The following ZNF34 variants were observed in gnomAD, a reference collection of about 807,000 sequenced individuals.
ZNF34 encodes zinc finger protein 34.
A neutral mutation model predicts 14.4 loss-of-function variants in ZNF34; 8 were observed. That is an observed-to-expected ratio of 0.55 (90% CI 0.33 to 1.00). The LOEUF (loss-of-function observed/expected upper bound fraction) is 1.00. ZNF34 is among the 50% of genes least tolerant of loss of function. The pLI is 0.03. For missense variants in ZNF34, 538 were observed against 674.2 expected, an observed-to-expected ratio of 0.80 and a Z score of 2.24; for synonymous variants, 235 against 247.9, an observed-to-expected ratio of 0.95 and a Z score of 0.49.
intron 5 of ZNF34, among the ~76,000 whole-genome samples, chr8:144,775,628 A>G (rs1338936844): frequency 2.0e-5 from 3 of 152,182 alleles, no homozygotes; most frequent in African/African-American, 4.8e-5. Flanking sequence ...GAAAAATCCA[A>G]AGGAGGAAGC....
intron 3 of ZNF34, 102 bp from the exon 4 acceptor site, chr8:144,778,266 G>A (rs1346058438): frequency 1.3e-6 from 2 of 1,502,156 alleles, no homozygotes; most frequent in Non-Finnish European, 1.8e-6. Flanking sequence ...ACAGTGGGTG[G>A]CCTGACCCAT....
intron 1 of ZNF34, among the ~76,000 whole-genome samples, chr8:144,782,995 A>G (rs1243357471): frequency 2.0e-5 from 3 of 150,162 alleles, no homozygotes; most frequent in African/African-American, 7.6e-5. Flanking sequence ...CATTTTAAAT[A>G]GATTAAAAAA....
Position 144,778,460 on chromosome 8 carries a change from C to T in ZNF34, c.12G>A (p.Leu4=), listed in dbSNP as rs765400610. The T allele has an allele frequency of 6.3e-7, 1 of 1,589,022 alleles. No homozygotes were observed. ...TCACCTGGGGTGGGGCAGACAGGAACAAGGCCGCCATTGCCTGAGGGTTGG... is the reference window on the plus strand; with the variant it reads ...TCACCTGGGGTGGGGCAGACAGGAATAAGGCCGCCATTGCCTGAGGGTTGG... MAA[L]FLSAPPQAEV... Residue 4 remains leucine, a synonymous_variant, in exon 3 of 6, where the codon TTG becomes TTA. Coordinates refer to ENST00000429371, the MANE Select transcript of ZNF34 (RefSeq NM_001286769.2).
chr8:144,783,652 A>G (rs1198320785), intron 1 of ZNF34, among the ~76,000 whole-genome samples: 1 of 152,236 alleles, frequency 6.6e-6, no homozygotes, highest in Non-Finnish European at 1.5e-5. Flanking sequence ...AAAGATATGT[A>G]TGTAATGAAC....
chr8:144,775,385 G>A (rs1344054299), intron 5 of ZNF34, among the ~76,000 whole-genome samples: 1 of 152,158 alleles, frequency 6.6e-6, no homozygotes, highest in Non-Finnish European at 1.5e-5. Context: ...GTACACACGC[G>A]CCAGAAATGT....
rs1228064780 is a variant in ZNF34 at position 144,773,277 on chromosome 8, A to G, written c.1609T>C (p.Phe537Leu). 1.2e-6 allele frequency: 2 copies of G among 1,605,942 alleles called. No homozygotes were observed. Among genetic ancestry groups the G allele is most frequent in the Admixed American group, 3.3e-5 (2 of 59,814 alleles). ...ACACCGCGCCACTGTTACATGGAGA[A>G]GTCCTCCCGGAGGTGAATCCGCTGA... is the stretch of plus-strand genomic sequence containing the variant. ...QHQRIHLRED[F>L]SM Residue 537 changes from phenylalanine to leucine, a missense_variant, in exon 6 of 6, where the codon TTC becomes CTC. Physicochemically the swap from Phe to Leu is conservative, Grantham distance 22. Transcript: ENST00000429371. This position sits in a 1 kb window ranked among gnomAD's most constrained non-coding sequence, Gnocchi z 5.4.
Position 144,773,281 on chromosome 8 carries a change from C to T in ZNF34, c.1605G>A (p.Glu535=). 6.2e-7 allele frequency: 1 copy of T among 1,607,142 alleles called. No homozygotes were observed. The highest frequency in any genetic ancestry group is 8.5e-7 in the Non-Finnish European group (1 of 1,174,778). Residue 535 remains glutamate, a synonymous_variant, in exon 6 of 6, where the codon GAG becomes GAA. Coordinates refer to ENST00000429371, the MANE Select transcript of ZNF34 (RefSeq NM_001286769.2). This position sits in a 1 kb window ranked among gnomAD's most constrained non-coding sequence, Gnocchi z 5.4. ...MCQHQRIHLR[E]DFSM ...CGCGCCACTGTTACATGGAGAAGTC[C>T]TCCCGGAGGTGAATCCGCTGATGCT...
intron 5 of ZNF34, among the ~76,000 whole-genome samples, chr8:144,775,780 T>A (rs1825476811): frequency 6.6e-6 from 1 of 152,234 alleles, no homozygotes; most frequent in Non-Finnish European, 1.5e-5. Context: ...TTCACTGAGT[T>A]ATAAACTTAG....
intron 1 of ZNF34, among the ~76,000 whole-genome samples, chr8:144,786,790 G>C (rs778730664): frequency 1.1e-4 from 17 of 152,064 alleles, no homozygotes; most frequent in Non-Finnish European, 2.2e-4. Flanking sequence ...GGCACAAGCA[G>C]AGGGAGGAGC....
rs1309376885 is a variant in ZNF34 at position 144,777,505 on chromosome 8, T to G, written c.233A>C (p.Asp78Ala). The G allele has an allele frequency of 1.9e-6, 3 of 1,553,752 alleles. No individual in the cohort carries two copies. In the Admixed American group the frequency reaches 5.9e-5, roughly 30 times the overall value. Residue 78 changes from aspartate to alanine, a missense_variant, in exon 5 of 6, where the codon GAT becomes GCT. Physicochemically the swap from Asp to Ala is moderately radical, Grantham distance 126. Around this residue, in one of 3 missense-constraint regions of ZNF34, gnomAD observed 431 missense variants for 525.7 expected, o/e 0.82. Transcript: ENST00000429371. The surrounding 1 kb of genome is among the most constrained non-coding windows in gnomAD (Gnocchi z 4.8). ...LERGDEPWVL[D>A]VQGTSGKEHL... Reference sequence around the variant, plus strand: ...CTCTTTCCCAGAGGTGCCCTGAACATCCAGGACCCAGGGCTCATCCCCTCG... The same window carrying G: ...CTCTTTCCCAGAGGTGCCCTGAACAGCCAGGACCCAGGGCTCATCCCCTCG...
At position 144,778,109 on chromosome 8, in the gene ZNF34, C is replaced by A. The variant is rs751570665; in HGVS notation, c.89G>T (p.Arg30Leu). 4 of 1,613,958 alleles carry A rather than the reference C, an allele frequency of 2.5e-6. No homozygotes were observed. In the Admixed American group the frequency reaches 6.7e-5, roughly 27 times the overall value. Residue 30 changes from arginine to leucine, a missense_variant, in exon 4 of 6, where the codon CGC becomes CTC. Coordinates refer to ENST00000429371, the MANE Select transcript of ZNF34 (RefSeq NM_001286769.2). ...AVYLSREEWG[R>L]LGPAQRGLYR... Reference sequence around the variant, plus strand: ...GAGGCCCCTCTGAGCAGGGCCCAGGCGGCCCCATTCCTCCCGGGAGAGGTA... The same window carrying A: ...GAGGCCCCTCTGAGCAGGGCCCAGGAGGCCCCATTCCTCCCGGGAGAGGTA...
intron 1 of ZNF34, among the ~76,000 whole-genome samples, chr8:144,780,752 G>A (rs754403548): frequency 8.6e-5 from 13 of 152,006 alleles, no homozygotes; most frequent in Non-Finnish European, 1.8e-4. Flanking sequence ...TCGCGCCATC[G>A]CACTCCAGCC....
chr8:144,786,846 G>A (rs1404772516), intron 1 of ZNF34, among the ~76,000 whole-genome samples: 1 of 152,004 alleles, frequency 6.6e-6, no homozygotes, highest in African/African-American at 2.4e-5. Context: ...GGCATTCGCA[G>A]AGGGCTGGGA....
rs1196132733 is a variant in ZNF34 at position 144,774,188 on chromosome 8, C to T, written c.698G>A (p.Ser233Asn). Residue 233 changes from serine (S) to asparagine (N), a missense_variant, in exon 6 of 6, where the codon AGT (serine) becomes AAT (asparagine). By Grantham distance (46) the Ser-to-Asn change is conservative. This residue lies in a region of ZNF34 where 431 missense variants were observed against 525.7 expected (regional missense o/e 0.82). Coordinates refer to ENST00000429371, the MANE Select transcript of ZNF34 (RefSeq NM_001286769.2). ...IPTGKKLHYCSYCGKTFRYSA... is the reference protein window; with the variant it reads ...IPTGKKLHYCNYCGKTFRYSA... ...GTACCTGAATGTTTTCCCACAGTAA[C>T]TGCAATAATGCAATTTTTTCCCAGT... 3 of 1,613,802 alleles carry T rather than the reference C, an allele frequency of 1.9e-6. No homozygotes were observed. In the African/African-American group the frequency reaches 4.0e-5, roughly 22 times the overall value.
At chr8:144,785,872 A>G (rs1326440508) in intron 1 of ZNF34, among the ~76,000 whole-genome samples, 1 of 152,186 alleles carries the variant, frequency 6.6e-6, no homozygotes, top group East Asian at 1.9e-4. Flanking sequence ...TTCAGCGTCC[A>G]TCAGCAAAGT....
chr8:144,784,000 C>A (rs1479998675), intron 1 of ZNF34, among the ~76,000 whole-genome samples: 2 of 151,718 alleles, frequency 1.3e-5, no homozygotes, highest in Non-Finnish European at 2.9e-5. Flanking sequence ...TCTCTACTAA[C>A]AATATAAAAT....
chr8:144,774,663 T>A, intron 5 of ZNF34, 58 bp from the exon 6 acceptor site: 1 of 1,540,116 alleles, frequency 6.5e-7, no homozygotes, highest in Non-Finnish European at 8.7e-7. Flanking sequence ...AAGGTAGGCA[T>A]GAGATGCTGC....
chr8:144,772,993 A>G lies in ZNF34; in HGVS notation c.*273T>C. On this transcript the variant is annotated 3_prime_UTR_variant, in exon 6 of 6. Transcript: ENST00000429371. ...TTTTCTTTTTAAAATGCTCTCCAGT[A>G]TGTCTCGAAAATATTCGTAAATCAG... The G allele has an allele frequency of 2.9e-6, 1 of 350,764 alleles. No homozygotes were observed. The highest frequency in any genetic ancestry group is 6.7e-5 in the South Asian group (1 of 14,998). The allele number at this position is 350,764 out of a possible 1,614,324, so 21.7% of individuals were successfully genotyped here. A position where few individuals can be genotyped will look rare whatever the true frequency, so the allele number is the denominator to read the frequency against.
At chr8:144,780,026 CAAAAAAAAA>C (rs10710060) in intron 2 of ZNF34, among the ~76,000 whole-genome samples, 193 bp downstream of exon 2, 3 of 101,676 alleles carry the variant, frequency 3.0e-5, no homozygotes, top group African/African-American at 1.1e-4. Flanking sequence ...TTAATGCTAC[CAAAAAAAAA>C]AAAAAAAAAA....
Sources: allele counts gnomAD v4.1 joint callset (sites outside exome capture counted in the v4.1 genomes callset), GRCh38; gene constraint gnomAD v4.1.1; regional missense constraint gnomAD v4.1.1; non-coding constraint Gnocchi (gnomAD v3.1); transcripts MANE v1.5; gene names NCBI Gene and HGNC (gene_info 2026-07-23, HGNC 2026-07-21).